The following ACTR3B variants were observed in gnomAD, a reference collection of about 807,000 sequenced individuals.
The protein encoded by ACTR3B is actin related protein 3B.
A neutral mutation model predicts 59.0 loss-of-function variants in ACTR3B; 8 were observed. The ratio of observed to expected loss-of-function variants is 0.14; its 90% CI spans 0.08 to 0.24. The LOEUF (loss-of-function observed/expected upper bound fraction) is 0.24, where lower values mean the gene tolerates loss of function less well. ACTR3B is among the 10% of genes least tolerant of loss of function. The probability of loss-of-function intolerance (pLI) is 1.00; values close to 1 mark genes in which losing one functional copy is unlikely to be tolerated. For synonymous variants in ACTR3B, 148 were observed against 197.9 expected (o/e 0.75, Z 2.12); for missense variants, 245 against 552.3 (o/e 0.44, Z 5.58).
chr7:152,844,285 T>C (rs1002880599), intron 9 of ACTR3B, among the ~76,000 whole-genome samples: 2 of 152,112 alleles, frequency 1.3e-5, no homozygotes, highest in African/African-American at 4.8e-5. Context: ...CTCTAACTCC[T>C]GACCTCAGGT....
In ACTR3B at chr7:152,759,943, G is replaced by T. The variant is rs1011521373; in HGVS notation, c.44+17G>T. 1 of 1,360,278 alleles carries T rather than the reference G, an allele frequency of 7.4e-7. No homozygotes were observed. The highest frequency in any genetic ancestry group is 9.5e-7 in the Non-Finnish European group (1 of 1,047,496). The allele number at this position is 1,360,278 out of a possible 1,614,324, so 84.3% of individuals were successfully genotyped here. On this transcript the variant is annotated intron_variant, in intron 1 of 11. Coordinates refer to ENST00000256001, the MANE Select transcript of ACTR3B (RefSeq NM_020445.6). ...TGGCACCGGGTAAGAGCAGCTCGGC[G>T]CCCACCCCCGCTCCTCCGCGGCCCC...
At chr7:152,806,977 A>C (rs566079553) in intron 4 of ACTR3B, among the ~76,000 whole-genome samples, 1 of 152,178 alleles carries the variant, frequency 6.6e-6, no homozygotes, top group Non-Finnish European at 1.5e-5. Context: ...GATTTTACCT[A>C]TGTGGAGAGT....
At chr7:152,769,221 G>A (rs2462111) in intron 1 of ACTR3B, among the ~76,000 whole-genome samples, 1 of 152,126 alleles carries the variant, frequency 6.6e-6, no homozygotes, top group Non-Finnish European at 1.5e-5. Flanking sequence ...GCCTCCTATT[G>A]TTAGTAACCT....
intron 4 of ACTR3B, among the ~76,000 whole-genome samples, chr7:152,806,163 T>A (rs1165509170): frequency 3.3e-5 from 5 of 152,208 alleles, no homozygotes; most frequent in Admixed American, 1.3e-4. Context: ...CCAATTTAGA[T>A]CTTGTTATAA....
intron 1 of ACTR3B, among the ~76,000 whole-genome samples, chr7:152,763,645 G>C (rs28677953): frequency 2.0e-5 from 3 of 152,018 alleles, no homozygotes; most frequent in Non-Finnish European, 4.4e-5. Context: ...AGCTGGTCTT[G>C]AATCCTGATC....
At chr7:152,781,198 T>G (rs2098152341) in intron 1 of ACTR3B, among the ~76,000 whole-genome samples, 2 of 149,406 alleles carry the variant, frequency 1.3e-5, no homozygotes, top group East Asian at 1.9e-4. Context: ...CAGTGGTTTT[T>G]TTTTTTTTTT....
rs1797812756 is a variant in ACTR3B at position 152,840,670 on chromosome 7, C to T, written c.952-11456C>T. ...GCTCTGCTCCGGCAGTTCCATAGAG[C>T]CTGTCACTTAACACTTGTATGTTCC... On this transcript the variant is annotated intron_variant, in intron 9 of 11. Transcript: ENST00000256001. 7.6e-5 allele frequency among the ~76,000 whole-genome samples: 9 copies of T among 118,792 alleles called. No homozygotes were observed. In the South Asian group the frequency reaches 2.9e-3, roughly 38 times the overall value. 77.9% of individuals were successfully genotyped at this position (118,792 alleles called of 152,430 possible).
chr7:152,844,927 A>G (rs886499022), intron 9 of ACTR3B, among the ~76,000 whole-genome samples: 18 of 147,158 alleles, frequency 1.2e-4, no homozygotes, highest in Non-Finnish European at 4.5e-5. Flanking sequence ...ATGCTACCAG[A>G]TACAGATTAT....
Position 152,823,364 on chromosome 7 carries a change from C to A in ACTR3B, c.707C>A (p.Pro236His), listed in dbSNP as rs1166767005. Reference protein sequence around the residue: ...AIKEKYCYICPDIVKEFAKYD... With the variant: ...AIKEKYCYICHDIVKEFAKYD... ...CAGGAGAAATACTGTTACATTTGCC[C>A]CGATATAGTCAAGGAATTTGCCAAG... Residue 236 changes from proline to histidine, a missense_variant, in exon 8 of 12, where the codon CCC (proline) becomes CAC (histidine). By Grantham distance (77) the Pro-to-His change is moderately conservative (BLOSUM62 -2). Transcript: ENST00000256001. 6.2e-7 allele frequency: 1 copy of A among 1,614,114 alleles called. No individual in the cohort carries two copies. Among genetic ancestry groups the A allele is most frequent in the South Asian group, 1.1e-5 (1 of 91,078 alleles).
At chr7:152,770,465 GA>G (rs1415037741) in intron 1 of ACTR3B, among the ~76,000 whole-genome samples, 1 of 151,590 alleles carries the variant, frequency 6.6e-6, no homozygotes, top group Non-Finnish European at 1.5e-5. Context: ...TGGGCTGAAA[GA>G]GGGATCATGT....
rs574075002 is a variant in ACTR3B, at chr7:152,838,435, A to T, written c.951+13313A>T. Among the ~76,000 whole-genome samples, 183 of 152,370 alleles carry T rather than the reference A, an allele frequency of 1.2e-3. 1 individual carries two copies. The highest frequency in any genetic ancestry group is 4.2e-3 in the African/African-American group (174 of 41,588). ...TCATTCTCAGCAAACTATCACAGGA[A>T]CAGAAAACCAAACACTGCATGTTCT... On this transcript the variant is annotated intron_variant, in intron 9 of 11. Transcript: ENST00000256001.
chr7:152,762,190 G>T (rs897969637), intron 1 of ACTR3B, among the ~76,000 whole-genome samples: 2 of 152,140 alleles, frequency 1.3e-5, no homozygotes, highest in African/African-American at 4.8e-5. Flanking sequence ...AAGCAGTGAT[G>T]TGCTGGAGGC....
chr7:152,842,284 C>T (rs192079502), intron 9 of ACTR3B, among the ~76,000 whole-genome samples: 3 of 152,248 alleles, frequency 2.0e-5, no homozygotes, highest in Admixed American at 2.0e-4. Flanking sequence ...TAATATGGAT[C>T]AGTTATAACA....
intron 9 of ACTR3B, among the ~76,000 whole-genome samples, chr7:152,848,017 G>T (rs1363746611): frequency 6.6e-6 from 1 of 152,210 alleles, no homozygotes; most frequent in Non-Finnish European, 1.5e-5. Flanking sequence ...GGGACTTTTG[G>T]ATCCAGTGAT....
chr7:152,759,988 C>A, intron 1 of ACTR3B, 62 bp downstream of exon 1: 1 of 1,274,514 alleles, frequency 7.8e-7, no homozygotes, highest in Non-Finnish European at 1.0e-6. Flanking sequence ...CCCTGGCGTC[C>A]ACCTCGCCTG....
chr7:152,825,249 G>A (rs1796478100), intron 9 of ACTR3B, 127 bp downstream of exon 9: 2 of 972,122 alleles, frequency 2.1e-6, no homozygotes, highest in Non-Finnish European at 2.9e-6. Context: ...CATAGGATTT[G>A]TTAAAGACAA....
rs1328008292 is a variant in ACTR3B at position 152,853,475 on chromosome 7, G to A, written c.1078-19G>A. 1.9e-6 allele frequency: 3 copies of A among 1,612,064 alleles called. No homozygotes were observed. The African/African-American group carries it at 4.0e-5, about 22-fold the overall frequency. On this transcript the variant is annotated intron_variant, in intron 10 of 11. Coordinates refer to ENST00000256001, the MANE Select transcript of ACTR3B (RefSeq NM_020445.6). The stretch of plus-strand genomic sequence containing the variant: ...GTGTCTGTGGGTGTGGGGTAAGTGA[G>A]AGCTGCTTTCTCTTCCAGCCGAAGC...
At chr7:152,776,772 C>T (rs1467087127) in intron 1 of ACTR3B, among the ~76,000 whole-genome samples, 3 of 152,216 alleles carry the variant, frequency 2.0e-5, no homozygotes, top group East Asian at 3.8e-4. Flanking sequence ...AATCACATAG[C>T]TGGTGCTGGG....
chr7:152,845,579 G>A (rs183449470), intron 9 of ACTR3B, among the ~76,000 whole-genome samples: 5 of 152,370 alleles, frequency 3.3e-5, no homozygotes, highest in South Asian at 2.1e-4. Context: ...GGAGCAGCGC[G>A]AATGAGGGCT....
Sources: gnomAD v4.1 joint callset for allele counts (sites outside exome capture counted in the v4.1 genomes callset) on GRCh38, gnomAD v4.1.1 for gene constraint, MANE v1.5 for transcripts, NCBI Gene and HGNC (gene_info 2026-07-23, HGNC 2026-07-21) for gene names.